The following IL10RB variants were observed in gnomAD, a reference collection of about 807,000 sequenced individuals.
IL10RB encodes the protein interleukin 10 receptor subunit beta.
A neutral mutation model predicts 38.7 loss-of-function variants in IL10RB; 30 were observed. The ratio of observed to expected loss-of-function variants is 0.78; its 90% CI spans 0.58 to 1.05. The LOEUF (loss-of-function observed/expected upper bound fraction) is 1.05. IL10RB is among the 50% of genes least tolerant of loss of function. IL10RB has a pLI of 0.00. For synonymous variants in IL10RB, 142 were observed against 145.9 expected (o/e 0.97, Z 0.19); for missense variants, 328 against 397.1 (o/e 0.83, Z 1.48).
At chr21:33,305,142 T>A (rs1383115949) in intron 1 of IL10RB, among the ~76,000 whole-genome samples, 1 of 152,166 alleles carries the variant, frequency 6.6e-6, no homozygotes, top group African/African-American at 2.4e-5. Context: ...AGATAGAGTC[T>A]TCCTCTGTTA....
chr21:33,305,535 C>T (rs1299222256), intron 1 of IL10RB, among the ~76,000 whole-genome samples: 1 of 152,194 alleles, frequency 6.6e-6, no homozygotes, highest in Non-Finnish European at 1.5e-5. Flanking sequence ...AACAGAGTAA[C>T]TGAGAAAGGC....
intron 6 of IL10RB, among the ~76,000 whole-genome samples, chr21:33,292,728 C>G (rs1989513548): frequency 6.6e-6 from 1 of 152,200 alleles, no homozygotes; most frequent in Non-Finnish European, 1.5e-5. Context: ...TGACTTTCCT[C>G]TTGGGATTTG....
intron 6 of IL10RB, 145 bp downstream of exon 6, chr21:33,288,406 G>C (rs2850008): frequency 0.054 from 14,285 of 264,222 alleles, 226 homozygotes; most frequent in African/African-American, 0.13. Flanking sequence ...CACACACACA[G>C]ACACGCCTCT....
intron 6 of IL10RB, among the ~76,000 whole-genome samples, chr21:33,294,849 C>A (rs1424935366): frequency 1.3e-5 from 2 of 152,150 alleles, no homozygotes; most frequent in African/African-American, 4.8e-5. Context: ...AGTGGGAAAC[C>A]AGCAGAGATT....
chr21:33,276,492 G>C, intron 2 of IL10RB, 104 bp from the exon 3 acceptor site: 1 of 867,122 alleles, frequency 1.2e-6, no homozygotes, highest in Non-Finnish European at 2.0e-6. Flanking sequence ...GTTTAACACA[G>C]TTTCCACTCC....
Position 33,293,149 on chromosome 21 carries a change from T to C in IL10RB, c.805-3035T>C, listed in dbSNP as rs149083288. ...CACAGATGTGGCAGGTCCCTGAATC[T>C]CTACAGGGTGAGTTTCTCACCCTCT... On this transcript the variant is annotated intron_variant, in intron 6 of 6. Coordinates refer to ENST00000290200, the MANE Select transcript of IL10RB (RefSeq NM_000628.5). 2.2e-4 allele frequency among the ~76,000 whole-genome samples: 33 copies of C among 152,290 alleles called. 1 individual carries two copies. In the East Asian group the frequency reaches 6.4e-3, roughly 29 times the overall value.
At position 33,268,391 on chromosome 21, in the gene IL10RB, T is replaced by A; in HGVS notation, c.50-3T>A. 1 of 1,614,154 alleles carries A rather than the reference T, an allele frequency of 6.2e-7. No homozygotes were observed. Among genetic ancestry groups the A allele is most frequent in the Non-Finnish European group, 8.5e-7 (1 of 1,179,956 alleles). On this transcript the variant is annotated splice_region_variant and splice_polypyrimidine_tract_variant and intron_variant, in intron 1 of 6. Transcript: ENST00000290200. ...TGTAAATGTTTTTGTCTTATTTTCA[T>A]AGCATTGGGAATGGTACCACCTCCC...
intron 4 of IL10RB, among the ~76,000 whole-genome samples, chr21:33,282,010 T>G (rs1004514728): frequency 6.6e-6 from 1 of 152,136 alleles, no homozygotes; most frequent in Admixed American, 6.5e-5. Context: ...TTGAAAAAAT[T>G]TGCATTGTAA....
chr21:33,296,198 T>A lies in IL10RB; in HGVS notation c.819T>A (p.Pro273=), dbSNP rs755414697. Residue 273 remains proline (P), a synonymous_variant, in exon 7 of 7, where the codon CCT becomes CCA. Transcript: ENST00000290200. Reference sequence around the variant, plus strand: ...TCCCTCCACAGTTTTTGGGCCATCCTCATCATAACACACTTCTGTTTTTCT... The same window carrying A: ...TCCCTCCACAGTTTTTGGGCCATCCACATCATAACACACTTCTGTTTTTCT... ...PQHLKEFLGH[P]HHNTLLFFSF... is the part of the protein sequence containing the mutation. 5 of 1,614,008 alleles carry A rather than the reference T, an allele frequency of 3.1e-6. No homozygotes were observed. The South Asian group carries it at 5.5e-5, about 18-fold the overall frequency.
chr21:33,287,733 G>A (rs1051806541), intron 5 of IL10RB, among the ~76,000 whole-genome samples: 1 of 152,110 alleles, frequency 6.6e-6, no homozygotes, highest in Non-Finnish European at 1.5e-5. Flanking sequence ...GAACGAGATG[G>A]TGCCTGTGTT....
At chr21:33,305,011 G>C (rs2082995402) in intron 1 of IL10RB, among the ~76,000 whole-genome samples, 1 of 152,164 alleles carries the variant, frequency 6.6e-6, no homozygotes, top group Non-Finnish European at 1.5e-5. Flanking sequence ...ATGAGCAAAG[G>C]CTGTCCAAAA....
intron 3 of IL10RB, among the ~76,000 whole-genome samples, chr21:33,277,667 T>TC (rs1555866897): frequency 1.6e-5 from 1 of 64,096 alleles, no homozygotes; most frequent in African/African-American, 5.1e-5. Flanking sequence ...TTTCTTTCTT[T>TC]CTTTTTTTTT....
At chr21:33,275,920 A>T (rs1229522366) in intron 2 of IL10RB, among the ~76,000 whole-genome samples, 2 of 152,254 alleles carry the variant, frequency 1.3e-5, no homozygotes, top group Admixed American at 6.5e-5. Flanking sequence ...CAACAGTAAC[A>T]TCAAAGATCA....
At chr21:33,300,766 C>T (rs1027458406), downstream of IL10RB, among the ~76,000 whole-genome samples, 1 of 152,168 alleles carries the variant, frequency 6.6e-6, no homozygotes, top group Non-Finnish European at 1.5e-5. Context: ...CCTATGAGGA[C>T]AGGCCCTCAC....
rs1422546330 is a variant in IL10RB at position 33,275,224 on chromosome 21, C to T, written c.174-1372C>T. On this transcript the variant is annotated intron_variant, in intron 2 of 6. Transcript: ENST00000290200. ...AAGCTGGAATACAGTGACACAATCT[C>T]GGCTTATTGCAACCTCTGCCTCCCG... 3.4e-5 allele frequency among the ~76,000 whole-genome samples: 5 copies of T among 144,986 alleles called. No individual in the cohort carries two copies. The East Asian group carries it at 6.2e-4, about 18-fold the overall frequency.
intron 5 of IL10RB, among the ~76,000 whole-genome samples, chr21:33,286,559 T>C (rs943320207): frequency 4.6e-5 from 7 of 151,718 alleles, no homozygotes; most frequent in Non-Finnish European, 8.8e-5. Context: ...ATGACTGGAG[T>C]TGGGAAAAGG....
At chr21:33,299,125 C>T (rs186146465), downstream of IL10RB, among the ~76,000 whole-genome samples, 1 of 152,320 alleles carries the variant, frequency 6.6e-6, no homozygotes. Flanking sequence ...CCCACTCGCA[C>T]CCCCTCCCTC....
downstream of IL10RB, among the ~76,000 whole-genome samples, chr21:33,297,935 C>A (rs1158298927): frequency 6.6e-6 from 1 of 152,196 alleles, no homozygotes; most frequent in Admixed American, 6.5e-5. Flanking sequence ...TTTGAAGGAA[C>A]TGTGGAGGCT....
chr21:33,273,376 G>A (rs2123568841), intron 2 of IL10RB, among the ~76,000 whole-genome samples: 1 of 152,290 alleles, frequency 6.6e-6, no homozygotes, highest in Admixed American at 6.5e-5. Context: ...TCCATTAAGT[G>A]TGTGATAGCG....
Sources: allele counts gnomAD v4.1 joint callset (sites outside exome capture counted in the v4.1 genomes callset), GRCh38; gene constraint gnomAD v4.1.1; transcripts MANE v1.5; gene names NCBI Gene and HGNC (gene_info 2026-07-23, HGNC 2026-07-21).